NRXN3: variants seen among roughly 807,000 people sequenced by gnomAD.
The protein encoded by NRXN3 is neurexin 3.
NRXN3 carries 32 observed loss-of-function variants against 137.6 expected under a neutral mutation model. The ratio of observed to expected loss-of-function variants is 0.23; its 90% CI spans 0.18 to 0.31. NRXN3 has a LOEUF of 0.31. NRXN3 is among the 10% of genes least tolerant of loss of function. The pLI is 1.00. For missense variants in NRXN3, 1,574 were observed against 2,062.5 expected (o/e 0.76, Z 4.59); for synonymous variants, 798 against 784.5 (o/e 1.02, Z -0.29).
intron 4 of NRXN3, chr14:78,602,568 C>T (rs2097210973): frequency 6.6e-6 from 1 of 152,172 alleles, no homozygotes. Flanking sequence ...TGTTGTTACC[C>T]AGGAGCAGCT....
At chr14:78,394,570 G>A (rs1269752705) in intron 4 of NRXN3, among the ~76,000 whole-genome samples, 1 of 151,658 alleles carries the variant, frequency 6.6e-6, no homozygotes, top group Non-Finnish European at 1.5e-5. Flanking sequence ...TTGGTATCAC[G>A]ATAATAACTT....
intron 18 of NRXN3, among the ~76,000 whole-genome samples, chr14:79,693,382 T>C (rs529111257): frequency 6.6e-6 from 1 of 152,012 alleles, no homozygotes; most frequent in Non-Finnish European, 1.5e-5. Flanking sequence ...CCTCACGGAG[T>C]GTTAACTGTT....
intron 15 of NRXN3, among the ~76,000 whole-genome samples, chr14:79,147,034 G>A (rs974741718): frequency 1.3e-5 from 2 of 152,028 alleles, no homozygotes; most frequent in Admixed American, 1.3e-4. Context: ...GCAGAAAGAT[G>A]TATGAGGGGG....
chr14:79,058,907 A>C (rs1474154507), intron 15 of NRXN3, among the ~76,000 whole-genome samples: 1 of 152,100 alleles, frequency 6.6e-6, no homozygotes, highest in African/African-American at 2.4e-5. Context: ...CATTCACCTT[A>C]CGCCGTGATT....
intron 15 of NRXN3, among the ~76,000 whole-genome samples, chr14:79,377,939 C>T (rs541378332): frequency 2.6e-5 from 4 of 152,234 alleles, no homozygotes; most frequent in Non-Finnish European, 5.9e-5. Flanking sequence ...TGAAATGTGG[C>T]ATTGGTACAA....
At chr14:78,887,476 A>T (rs2152686002) in intron 10 of NRXN3, among the ~76,000 whole-genome samples, 1 of 152,132 alleles carries the variant, frequency 6.6e-6, no homozygotes, top group South Asian at 2.1e-4. Context: ...CCAACCTGAT[A>T]ACTCTTCAAA....
chr14:78,172,750 T>G (rs2058852451), intron 1 of NRXN3, among the ~76,000 whole-genome samples: 1 of 152,132 alleles, frequency 6.6e-6, no homozygotes, highest in Non-Finnish European at 1.5e-5. Flanking sequence ...AATGCCCTTT[T>G]CTGGAGCTTT....
Position 78,765,724 on chromosome 14 carries a change from G to GATATAT in NRXN3, c.2045-37886_2045-37881dup, listed in dbSNP as rs149894446. On this transcript the variant is annotated intron_variant, in intron 8 of 20. Transcript: ENST00000335750. ...AATGTTTGTTAAGTGAATAAATGTTGATATATATATATATACACACACACA... is the reference window on the plus strand; with the variant it reads ...AATGTTTGTTAAGTGAATAAATGTTGATATATATATATATATATATACACACACACA... Among the ~76,000 whole-genome samples, 16 of 150,744 alleles carry GATATAT rather than the reference G, an allele frequency of 1.1e-4. No individual in the cohort carries two copies. In the East Asian group the frequency reaches 1.8e-3, roughly 17 times the overall value.
intron 15 of NRXN3, among the ~76,000 whole-genome samples, chr14:79,331,048 G>A (rs996063686): frequency 6.6e-6 from 1 of 152,104 alleles, no homozygotes; most frequent in African/African-American, 2.4e-5. Context: ...TACCCTAGCT[G>A]GCTGATTGAC....
At chr14:79,300,756 T>C (rs1292728867) in intron 15 of NRXN3, among the ~76,000 whole-genome samples, 1 of 152,060 alleles carries the variant, frequency 6.6e-6, no homozygotes, top group East Asian at 1.9e-4. Flanking sequence ...GGGAAATAGG[T>C]GACGTGTCTT....
intron 16 of NRXN3, among the ~76,000 whole-genome samples, chr14:79,514,136 G>A (rs1233687995): frequency 6.6e-6 from 1 of 152,030 alleles, no homozygotes; most frequent in Non-Finnish European, 1.5e-5. Flanking sequence ...GATATGTAGA[G>A]ATAGAGATAT....
intron 20 of NRXN3, among the ~76,000 whole-genome samples, chr14:79,854,731 T>C (rs1356283192): frequency 6.6e-6 from 1 of 152,212 alleles, no homozygotes; most frequent in Non-Finnish European, 1.5e-5. Context: ...GTAGTACCAG[T>C]GGTATTTGCA....
chr14:78,502,201 C>T (rs1332157258), intron 4 of NRXN3, among the ~76,000 whole-genome samples: 1 of 152,136 alleles, frequency 6.6e-6, no homozygotes, highest in Non-Finnish European at 1.5e-5. Flanking sequence ...TGGACAATCA[C>T]GTGAACAGTA....
intron 16 of NRXN3, among the ~76,000 whole-genome samples, chr14:79,571,086 A>G (rs916331975): frequency 6.6e-6 from 1 of 152,046 alleles, no homozygotes; most frequent in East Asian, 1.9e-4. Flanking sequence ...CCTCATTTAA[A>G]CTCATCAGGG....
chr14:79,109,521 C>T, intron 15 of NRXN3, among the ~76,000 whole-genome samples: 1 of 152,080 alleles, frequency 6.6e-6, no homozygotes, highest in Non-Finnish European at 1.5e-5. Flanking sequence ...TATTGTCATA[C>T]ATGAAGGAAA....
At chr14:79,822,357 A>C (rs1422407458) in intron 20 of NRXN3, among the ~76,000 whole-genome samples, 3 of 152,152 alleles carry the variant, frequency 2.0e-5, no homozygotes, top group African/African-American at 4.8e-5. Flanking sequence ...TCAAACTTAC[A>C]GAACTGCCCT....
At chr14:79,766,528 C>T (rs1050391421) in intron 19 of NRXN3, among the ~76,000 whole-genome samples, 4 of 152,222 alleles carry the variant, frequency 2.6e-5, no homozygotes, top group African/African-American at 9.6e-5. Flanking sequence ...CCTACGACCA[C>T]TGGCCAAGGG....
At chr14:79,746,855 C>T (rs577385380) in intron 19 of NRXN3, among the ~76,000 whole-genome samples, 1 of 152,162 alleles carries the variant, frequency 6.6e-6, no homozygotes, top group South Asian at 2.1e-4. Context: ...TCTTAAAGAA[C>T]CCCTAAAACT....
intron 4 of NRXN3, among the ~76,000 whole-genome samples, chr14:78,436,284 C>T (rs1428247011): frequency 6.6e-6 from 1 of 152,132 alleles, no homozygotes; most frequent in East Asian, 1.9e-4. Flanking sequence ...GCCAACCGCC[C>T]CCGTAATAAT....
Sources: gnomAD v4.1 joint callset for allele counts (sites outside exome capture counted in the v4.1 genomes callset) on GRCh38, gnomAD v4.1.1 for gene constraint, MANE v1.5 for transcripts, NCBI Gene and HGNC (gene_info 2026-07-23, HGNC 2026-07-21) for gene names.